The following GGACT variants were observed in gnomAD, a reference collection of about 807,000 sequenced individuals.
The protein encoded by GGACT is gamma-glutamylaminecyclotransferase.
For synonymous variants in GGACT, 118 were observed against 115.3 expected, an observed-to-expected ratio of 1.02 and a Z score of -0.15; for missense variants, 241 against 233.2, an observed-to-expected ratio of 1.03 and a Z score of -0.22.
intron 2 of GGACT, among the ~76,000 whole-genome samples, chr13:100,580,286 C>G (rs1875376417): frequency 6.6e-6 from 1 of 151,426 alleles, no homozygotes; most frequent in Non-Finnish European, 1.5e-5. Context: ...ATTAGGGAAG[C>G]TGAGATGAGA....
At chr13:100,542,845 G>T (rs559472185) in intron 2 of GGACT, among the ~76,000 whole-genome samples, 2 of 152,202 alleles carry the variant, frequency 1.3e-5, no homozygotes, top group East Asian at 3.8e-4. Flanking sequence ...TGTCCATCTG[G>T]TCGGGCGCTG....
At chr13:100,575,643 G>A (rs1875226466) in intron 2 of GGACT, among the ~76,000 whole-genome samples, 1 of 152,058 alleles carries the variant, frequency 6.6e-6, no homozygotes, top group South Asian at 2.1e-4. Flanking sequence ...GCACAACTGT[G>A]GTCCCAGCTA....
intron 2 of GGACT, among the ~76,000 whole-genome samples, chr13:100,583,624 G>A (rs1040377355): frequency 6.6e-6 from 1 of 152,034 alleles, no homozygotes; most frequent in Non-Finnish European, 1.5e-5. Flanking sequence ...TCAATCTCCT[G>A]GGATCAAACA....
chr13:100,530,284 C>G lies in GGACT; in HGVS notation c.*1846G>C, dbSNP rs2088310337. 1.2e-6 allele frequency: 1 copy of G among 829,934 alleles called. No individual in the cohort carries two copies. Among genetic ancestry groups the G allele is most frequent in the African/African-American group, 1.7e-5 (1 of 59,832 alleles). The allele number at this position is 829,934 out of a possible 1,614,324, so 51.4% of individuals were successfully genotyped here. A position where few individuals can be genotyped will look rare whatever the true frequency, so the allele number is the denominator to read the frequency against. On this transcript the variant is annotated 3_prime_UTR_variant, in exon 3 of 3. Transcript: ENST00000683975. ...CCCTGTGCAGCTACGTTTACGTCGT[C>G]ATTTATTCCACAGAGTCAAGACCAA...
Position 100,545,109 on chromosome 13 carries a change from C to T in GGACT, c.-10-12508G>A, listed in dbSNP as rs568434362. ...TGGAGATGCCGTCAACCTCGTCACA[C>T]AGGGCCAACCTGCAGGCACGGCCTC... On this transcript the variant is annotated intron_variant, in intron 2 of 2. Transcript: ENST00000683975. This position sits in a 1 kb window ranked among gnomAD's most constrained non-coding sequence, Gnocchi z 4.4. 6.6e-6 allele frequency among the ~76,000 whole-genome samples: 1 copy of T among 152,352 alleles called. No individual in the cohort carries two copies. The highest frequency in any genetic ancestry group is 1.9e-4 in the East Asian group (1 of 5,176).
At chr13:100,578,890 C>T (rs925989881) in intron 2 of GGACT, 1 of 152,140 alleles carries the variant, frequency 6.6e-6, no homozygotes, top group Non-Finnish European at 1.5e-5. Flanking sequence ...TTACCTGCCT[C>T]GTACTCCCAA....
chr13:100,539,408 T>C (rs1242026852), intron 2 of GGACT: 1 of 154,096 alleles, frequency 6.5e-6, no homozygotes, highest in Admixed American at 6.5e-5. Context: ...TGTTTTTAAA[T>C]CATGAAGTTG....
intron 2 of GGACT, among the ~76,000 whole-genome samples, chr13:100,548,863 CACAGGAGAGCCA>C (rs1350897479): frequency 6.6e-6 from 1 of 152,242 alleles, no homozygotes; most frequent in East Asian, 1.9e-4. Flanking sequence ...ACACAGGGTC[CACAGGAGAGCCA>C]ACCAGGGAGG....
rs1000715234 is a variant in GGACT, at chr13:100,531,828, A to G, written c.*302T>C. On this transcript the variant is annotated 3_prime_UTR_variant, in exon 3 of 3. Coordinates refer to ENST00000683975, the MANE Select transcript of GGACT (RefSeq NM_001195087.2). ...TTTATTATTATCTTGAGCTCAAAGC[A>G]GAGCCAACAGCAGAAACAACACGAG... 3.2e-6 allele frequency: 1 copy of G among 312,438 alleles called. No homozygotes were observed. The highest frequency in any genetic ancestry group is 4.5e-5 in the Admixed American group (1 of 22,086). The allele number at this position is 312,438 out of a possible 1,614,324, so 19.4% of individuals were successfully genotyped here.
intron 2 of GGACT, among the ~76,000 whole-genome samples, chr13:100,581,530 A>G (rs1875416718): frequency 6.6e-6 from 1 of 152,240 alleles, no homozygotes; most frequent in Non-Finnish European, 1.5e-5. Context: ...GTCCATAATG[A>G]TATAAATGGC....
intron 2 of GGACT, among the ~76,000 whole-genome samples, chr13:100,547,051 T>C (rs1035525429): frequency 6.6e-6 from 1 of 152,168 alleles, no homozygotes; most frequent in African/African-American, 2.4e-5. Context: ...ATCCTTCAAG[T>C]TCTCCTTGTC....
intron 2 of GGACT, among the ~76,000 whole-genome samples, chr13:100,575,260 A>C (rs535475090): frequency 1.3e-5 from 2 of 152,204 alleles, no homozygotes; most frequent in Non-Finnish European, 2.9e-5. Context: ...CTCCATTAGC[A>C]ATGACCTGTG....
chr13:100,560,693 G>A (rs546846679), intron 2 of GGACT, among the ~76,000 whole-genome samples: 46 of 152,330 alleles, frequency 3.0e-4, no homozygotes, highest in South Asian at 2.9e-3. Flanking sequence ...TGAGCTCCAC[G>A]CGATCCCTTT....
intron 1 of GGACT, among the ~76,000 whole-genome samples, chr13:100,586,467 T>C (rs1239472116): frequency 6.6e-6 from 1 of 152,156 alleles, no homozygotes; most frequent in Non-Finnish European, 1.5e-5. Context: ...GAGCCTTGCT[T>C]TCCAGGCACC....
Position 100,567,574 on chromosome 13 carries a change from A to G in GGACT, c.-11+16251T>C, listed in dbSNP as rs142564832. Among the ~76,000 whole-genome samples, 8 of 152,346 alleles carry G rather than the reference A, an allele frequency of 5.3e-5. No homozygotes were observed. In the East Asian group the frequency reaches 1.5e-3, roughly 29 times the overall value. On this transcript the variant is annotated intron_variant, in intron 2 of 2. Coordinates refer to ENST00000683975, the MANE Select transcript of GGACT (RefSeq NM_001195087.2). Reference sequence around the variant, plus strand: ...TATTTAGATGCCAAGATCTGGGTGCAGGGTGTGCTGTCTTTGGGCTGCATC... The same window carrying G: ...TATTTAGATGCCAAGATCTGGGTGCGGGGTGTGCTGTCTTTGGGCTGCATC...
chr13:100,533,271 C>T (rs546272685), intron 2 of GGACT: 3 of 154,528 alleles, frequency 1.9e-5, no homozygotes, highest in Non-Finnish European at 2.9e-5. Context: ...GCTCCTGAGC[C>T]CAGCACAGCC....
chr13:100,532,124 T>TCCCCCTTATCTGTTCTC lies in GGACT; in HGVS notation c.451_*5dup. 7.0e-7 allele frequency: 1 copy of TCCCCCTTATCTGTTCTC among 1,433,902 alleles called. No individual in the cohort carries two copies. Among genetic ancestry groups the TCCCCCTTATCTGTTCTC allele is most frequent in the Non-Finnish European group, 9.2e-7 (1 of 1,088,078 alleles). The allele number at this position is 1,433,902 out of a possible 1,614,324, so 88.8% of individuals were successfully genotyped here. On this transcript the variant is annotated 3_prime_UTR_variant, in exon 3 of 3. Transcript: ENST00000683975. ...CTCAAACCTAGGCCCACCCTGCCCG[T>TCCCCCTTATCTGTTCTC]CCCCCTTATCTGTTCTCCCGGGGGT...
chr13:100,532,284 G>T lies in GGACT; in HGVS notation c.308C>A (p.Pro103Gln), dbSNP rs2088411000. The T allele has an allele frequency of 1.3e-6, 2 of 1,537,876 alleles. No homozygotes were observed. The highest frequency in any genetic ancestry group is 2.8e-5 in the African/African-American group (2 of 72,710). ...LRVQLLEDRA[P>Q]GAEEPPAPTA... ...GGGCGCTGGCGGCTCCTCTGCGCCCGGGGCCCGGTCCTCCAGCAGCTGTAC... is the reference window on the plus strand; with the variant it reads ...GGGCGCTGGCGGCTCCTCTGCGCCCTGGGCCCGGTCCTCCAGCAGCTGTAC... The change falls in exon 3 of 3, where the codon CCG (proline) becomes CAG (glutamine). Residue 103 changes from proline (P) to glutamine (Q), a missense_variant. By Grantham distance (76) the Pro-to-Gln change is moderately conservative. Coordinates refer to ENST00000683975, the MANE Select transcript of GGACT (RefSeq NM_001195087.2).
chr13:100,549,355 A>G (rs1343031530), intron 2 of GGACT, among the ~76,000 whole-genome samples: 1 of 152,168 alleles, frequency 6.6e-6, no homozygotes, highest in Non-Finnish European at 1.5e-5. Context: ...AAATAAATCA[A>G]CAGCCACCCA....
Sources: gnomAD v4.1 joint callset for allele counts (sites outside exome capture counted in the v4.1 genomes callset) on GRCh38, gnomAD v4.1.1 for gene constraint, Gnocchi (gnomAD v3.1) non-coding constraint, MANE v1.5 for transcripts, NCBI Gene and HGNC (gene_info 2026-07-23, HGNC 2026-07-21) for gene names.